Variants in CPNE4 observed in about 807,000 individuals in gnomAD.
CPNE4 encodes the protein copine-4.
A neutral mutation model predicts 67.9 loss-of-function variants in CPNE4; 25 were observed. That is an observed-to-expected ratio of 0.37 (90% CI 0.27 to 0.51). The LOEUF is 0.51. Ranked by LOEUF, CPNE4 falls within the 20% of genes least tolerant of loss-of-function variation. CPNE4 has a pLI of 0.93. For synonymous variants in CPNE4, 242 were observed against 244.9 expected, an observed-to-expected ratio of 0.99 and a Z score of 0.11; for missense variants, 464 against 690.8, an observed-to-expected ratio of 0.67 and a Z score of 3.68.
chr3:131,539,931 T>C (rs1448775913), intron 15 of CPNE4, among the ~76,000 whole-genome samples: 1 of 152,168 alleles, frequency 6.6e-6, no homozygotes, highest in African/African-American at 2.4e-5. Flanking sequence ...TGAACATAAT[T>C]GCAGCAAATT....
At chr3:131,590,188 C>T (rs1329107297) in intron 7 of CPNE4, among the ~76,000 whole-genome samples, 3 of 152,142 alleles carry the variant, frequency 2.0e-5, no homozygotes, top group Non-Finnish European at 4.4e-5. Context: ...CTGATGGTGA[C>T]TTGGAGAATA....
At chr3:131,697,750 A>G (rs1206468906) in intron 4 of CPNE4, among the ~76,000 whole-genome samples, 1 of 152,144 alleles carries the variant, frequency 6.6e-6, no homozygotes, top group Non-Finnish European at 1.5e-5. Flanking sequence ...TGCCTCTTAT[A>G]CTTCATTTGA....
At chr3:131,947,037 T>C (rs1210792980) in intron 1 of CPNE4, among the ~76,000 whole-genome samples, 1 of 152,202 alleles carries the variant, frequency 6.6e-6, no homozygotes, top group Non-Finnish European at 1.5e-5. Context: ...ACTACTGAAC[T>C]CTCAGTTCTA....
chr3:131,883,223 GA>G (rs2087750138), intron 2 of CPNE4, among the ~76,000 whole-genome samples: 1 of 152,176 alleles, frequency 6.6e-6, no homozygotes, highest in Non-Finnish European at 1.5e-5. Flanking sequence ...GTTCATGGTA[GA>G]ATTATTGATG....
At chr3:131,851,464 C>T (rs1261569836) in intron 2 of CPNE4, among the ~76,000 whole-genome samples, 3 of 151,952 alleles carry the variant, frequency 2.0e-5, no homozygotes, top group Non-Finnish European at 4.4e-5. Flanking sequence ...GACCATTACC[C>T]TCCAAATGAA....
intron 2 of CPNE4, among the ~76,000 whole-genome samples, chr3:131,735,042 A>G (rs896494391): frequency 2.0e-5 from 3 of 152,178 alleles, no homozygotes; most frequent in African/African-American, 4.8e-5. Context: ...CAGCGTGCCT[A>G]CAAGGTCTAG....
At chr3:131,651,566 T>C (rs115604542) in intron 7 of CPNE4, among the ~76,000 whole-genome samples, 9,463 of 152,240 alleles carry the variant, frequency 0.062, 965 homozygotes, top group African/African-American at 0.21. Flanking sequence ...CTTTAGGAAG[T>C]CTTAGGAGAA....
At chr3:131,964,348 G>A (rs150218566) in intron 1 of CPNE4, among the ~76,000 whole-genome samples, 5,832 of 151,978 alleles carry the variant, frequency 0.038, 161 homozygotes, top group Admixed American at 0.052. Context: ...TCCAGCAAGG[G>A]CACAAAACTG....
chr3:131,942,211 G>T (rs1465770556), intron 1 of CPNE4, among the ~76,000 whole-genome samples: 1 of 151,968 alleles, frequency 6.6e-6, no homozygotes, highest in Non-Finnish European at 1.5e-5. Context: ...ACTGTCTCTT[G>T]TTTATAAGGC....
At chr3:131,829,449 T>C (rs2085288354) in intron 2 of CPNE4, among the ~76,000 whole-genome samples, 1 of 152,220 alleles carries the variant, frequency 6.6e-6, no homozygotes, top group Non-Finnish European at 1.5e-5. Context: ...CTTATCATCA[T>C]TCACCTTGAG....
chr3:131,876,041 T>C (rs1336766804), intron 2 of CPNE4, among the ~76,000 whole-genome samples: 1 of 152,014 alleles, frequency 6.6e-6, no homozygotes, highest in Non-Finnish European at 1.5e-5. Flanking sequence ...TTCCCATATT[T>C]ACCAATAACA....
At chr3:131,947,227 CTTTT>C (rs71710373) in intron 1 of CPNE4, among the ~76,000 whole-genome samples, 11,997 of 151,988 alleles carry the variant, frequency 0.079, 615 homozygotes, top group Admixed American at 0.16. Flanking sequence ...TTGTTTTCCC[CTTTT>C]TTTATTTTTT....
At chr3:131,736,439 G>GT (rs1273805287) in intron 2 of CPNE4, among the ~76,000 whole-genome samples, 1 of 151,630 alleles carries the variant, frequency 6.6e-6, no homozygotes. Context: ...GGCCAGCATG[G>GT]TGAAACCTCG....
chr3:131,668,385 C>T (rs149496288), intron 7 of CPNE4, among the ~76,000 whole-genome samples: 251 of 152,270 alleles, frequency 1.6e-3, no homozygotes, highest in African/African-American at 5.6e-3. Flanking sequence ...TAACACTTTC[C>T]AGGGGATTAG....
At chr3:131,823,118 C>T (rs1407116731) in intron 2 of CPNE4, among the ~76,000 whole-genome samples, 7 of 152,228 alleles carry the variant, frequency 4.6e-5, no homozygotes, top group Middle Eastern at 3.2e-3. Flanking sequence ...GGATTACAGG[C>T]ATGAGCCACT....
chr3:131,679,955 T>C (rs1357358379), intron 6 of CPNE4, among the ~76,000 whole-genome samples: 1 of 152,108 alleles, frequency 6.6e-6, no homozygotes, highest in Non-Finnish European at 1.5e-5. Flanking sequence ...TTTGATCCAG[T>C]GCTGAGTTCA....
At chr3:132,005,335 A>G (rs1583587234) in intron 1 of CPNE4, among the ~76,000 whole-genome samples, 2 of 21,136 alleles carry the variant, frequency 9.5e-5, no homozygotes, top group Admixed American at 5.4e-4. Context: ...ATATATATAT[A>G]TATATATACA....
intron 7 of CPNE4, among the ~76,000 whole-genome samples, chr3:131,649,604 G>C (rs2079756752): frequency 6.6e-6 from 1 of 152,216 alleles, no homozygotes; most frequent in Non-Finnish European, 1.5e-5. Context: ...CTAACTGTGA[G>C]AGCTGGGGCA....
At chr3:131,940,403 A>G (rs543692740) in intron 1 of CPNE4, among the ~76,000 whole-genome samples, 1 of 152,232 alleles carries the variant, frequency 6.6e-6, no homozygotes, top group Non-Finnish European at 1.5e-5. Context: ...TTTTGTCTTT[A>G]TATTTATCAG....
Sources: gnomAD v4.1 joint callset for allele counts (sites outside exome capture counted in the v4.1 genomes callset) on GRCh38, gnomAD v4.1.1 for gene constraint, MANE v1.5 for transcripts, NCBI Gene and HGNC (gene_info 2026-07-23, HGNC 2026-07-21) for gene names.